CEMIP: variants seen among roughly 807,000 people sequenced by gnomAD.
CEMIP encodes cell migration-inducing and hyaluronan-binding protein.
CEMIP carries 105 observed loss-of-function variants against 156.9 expected under a neutral mutation model. The observed-to-expected ratio is 0.67, with a 90% confidence interval of 0.57 to 0.79. CEMIP has a LOEUF of 0.79. Among genes scored for constraint, CEMIP ranks in the 30% least tolerant of loss-of-function variants. The pLI is 0.00. For synonymous variants in CEMIP, 676 were observed against 668.4 expected (o/e 1.01, Z -0.17); for missense variants, 1,457 against 1,769.4 (o/e 0.82, Z 3.17).
At chr15:80,940,705 G>A (rs1325577805) in intron 25 of CEMIP, among the ~76,000 whole-genome samples, 2 of 152,210 alleles carry the variant, frequency 1.3e-5, no homozygotes, top group Non-Finnish European at 2.9e-5. Context: ...ACAGAGAGAA[G>A]ACCAAGGGGT....
chr15:80,926,256 A>G (rs971310809), intron 19 of CEMIP, among the ~76,000 whole-genome samples: 5 of 152,168 alleles, frequency 3.3e-5, no homozygotes, highest in Non-Finnish European at 5.9e-5. Flanking sequence ...AGTTCACTGG[A>G]CTCCAAGACC....
At chr15:80,818,792 T>C (rs1896848097) in intron 1 of CEMIP, among the ~76,000 whole-genome samples, 1 of 152,198 alleles carries the variant, frequency 6.6e-6, no homozygotes. Context: ...TGTAATTGAT[T>C]AATAATGTCT....
chr15:80,837,085 G>A (rs1301769800), intron 1 of CEMIP, among the ~76,000 whole-genome samples: 1 of 152,252 alleles, frequency 6.6e-6, no homozygotes, highest in Non-Finnish European at 1.5e-5. Flanking sequence ...TCTGCTGACT[G>A]TGGTCTAAGG....
At chr15:80,853,183 G>T (rs1310897208) in intron 1 of CEMIP, among the ~76,000 whole-genome samples, 1 of 152,196 alleles carries the variant, frequency 6.6e-6, no homozygotes, top group African/African-American at 2.4e-5. Flanking sequence ...GATCACTCAT[G>T]TATGGGCTGA....
chr15:80,940,547 G>A (rs1207739725), intron 25 of CEMIP, among the ~76,000 whole-genome samples: 1 of 152,126 alleles, frequency 6.6e-6, no homozygotes, highest in Non-Finnish European at 1.5e-5. Flanking sequence ...ACCACGCAGG[G>A]CATGGAATGC....
In CEMIP at chr15:80,880,798, G is replaced by C. The variant is rs147026015; in HGVS notation, c.381-102G>C. The C allele has an allele frequency of 9.1e-4, 827 of 907,600 alleles. 9 individuals are homozygous for C. The African/African-American group carries it at 0.012, about 13-fold the overall frequency. 56.2% of individuals were successfully genotyped at this position (907,600 alleles called of 1,614,324 possible). A position where few individuals can be genotyped will look rare whatever the true frequency, so the allele number is the denominator to read the frequency against. On this transcript the variant is annotated intron_variant, in intron 5 of 29. Transcript: ENST00000394685. ...TGACTGGCTCTATGGTGGCCGTGGT[G>C]GGGGGTCAGGGAGCTGAGCTGTGAC... is the stretch of plus-strand genomic sequence containing the variant.
At chr15:80,845,037 T>C (rs1230703397) in intron 1 of CEMIP, among the ~76,000 whole-genome samples, 1 of 152,190 alleles carries the variant, frequency 6.6e-6, no homozygotes, top group Non-Finnish European at 1.5e-5. Flanking sequence ...ATGGATAATA[T>C]ATATCCATAA....
intron 1 of CEMIP, among the ~76,000 whole-genome samples, chr15:80,815,930 G>A (rs1166808900): frequency 1.3e-5 from 2 of 152,100 alleles, no homozygotes; most frequent in Non-Finnish European, 1.5e-5. Context: ...TTCCTTGGCC[G>A]AGGAAAGGCA....
chr15:80,804,984 G>A (rs1208986290), intron 1 of CEMIP, among the ~76,000 whole-genome samples: 1 of 152,162 alleles, frequency 6.6e-6, no homozygotes, highest in African/African-American at 2.4e-5. Context: ...TCACATGGCT[G>A]CACGGAGAAC....
intron 24 of CEMIP, among the ~76,000 whole-genome samples, chr15:80,937,426 G>A (rs1217584561): frequency 6.6e-6 from 1 of 152,246 alleles, no homozygotes; most frequent in South Asian, 2.1e-4. Context: ...CCAAAGCGAT[G>A]AAATCGGCCC....
At chr15:80,847,734 T>A (rs1233114106) in intron 1 of CEMIP, among the ~76,000 whole-genome samples, 2 of 152,226 alleles carry the variant, frequency 1.3e-5, no homozygotes, top group African/African-American at 4.8e-5. Flanking sequence ...TGGGACCATC[T>A]TCTTTCATTC....
Position 80,937,877 on chromosome 15 carries a change from A to T in CEMIP, c.3305A>T (p.Lys1102Met), listed in dbSNP as rs1409022398. ...TCGGATGTTCACAATCGCCTGCTGA[A>T]GCAAACGTCCAAGACGGGCGTCTTC... ...ILSDVHNRLL[K>M]QTSKTGVFVR... Residue 1102 changes from lysine (K) to methionine (M), a missense_variant, in exon 25 of 30, where the codon AAG becomes ATG. Around this residue, in one of 5 missense-constraint regions of CEMIP, gnomAD observed 798 missense variants for 980.1 expected, o/e 0.81. Transcript: ENST00000394685. 1 of 1,614,116 alleles carries T rather than the reference A, an allele frequency of 6.2e-7. No individual in the cohort carries two copies. Among genetic ancestry groups the T allele is most frequent in the African/African-American group, 1.3e-5 (1 of 74,930 alleles).
At position 80,943,105 on chromosome 15, in the gene CEMIP, G is replaced by A. The variant is rs768138303; in HGVS notation, c.3857+3G>A. On this transcript the variant is annotated splice_donor_region_variant and intron_variant, in intron 28 of 29. Coordinates refer to ENST00000394685, the MANE Select transcript of CEMIP (RefSeq NM_001293298.2). Reference sequence around the variant, plus strand: ...TATGTGGCGACCATCCCTGACAAGTGAGTCTGTACCTCTGCTTCTGGAATT... The same window carrying A: ...TATGTGGCGACCATCCCTGACAAGTAAGTCTGTACCTCTGCTTCTGGAATT... The A allele has an allele frequency of 6.2e-7, 1 of 1,614,088 alleles. No homozygotes were observed.
At position 80,933,349 on chromosome 15, in the gene CEMIP, C is replaced by G. The variant is rs771137907; in HGVS notation, c.2898C>G (p.Ser966=). The G allele has an allele frequency of 1.2e-6, 2 of 1,614,162 alleles. No homozygotes were observed. Residue 966 remains serine, a synonymous_variant, in exon 23 of 30, where the codon TCC becomes TCG. Coordinates refer to ENST00000394685, the MANE Select transcript of CEMIP (RefSeq NM_001293298.2). ...TCCATGACGTCGACGGCTCCGTGTC[C>G]GAGTACCCTGGCTCCTACCTCACGA... The part of the protein sequence containing the change: ...SVFHDVDGSV[S]EYPGSYLTKN...
At chr15:80,948,220 G>A (rs1901648845) in intron 29 of CEMIP, 1 of 174,574 alleles carries the variant, frequency 5.7e-6, no homozygotes, top group Non-Finnish European at 1.2e-5. Flanking sequence ...GGATTCCCAT[G>A]CCCCTCGGAT....
chr15:80,932,046 G>A lies in CEMIP; in HGVS notation c.2793+7G>A. 1 of 1,612,484 alleles carries A rather than the reference G, an allele frequency of 6.2e-7. No individual in the cohort carries two copies. Among genetic ancestry groups the A allele is most frequent in the Non-Finnish European group, 8.5e-7 (1 of 1,180,012 alleles). ...TGCCTTTGAGGACGTTCCGGTGAGT[G>A]AGGCGCCAGGGCAGACTCCCGGCAA... is the stretch of plus-strand genomic sequence containing the variant. On this transcript the variant is annotated splice_region_variant and intron_variant, in intron 22 of 29. Transcript: ENST00000394685. This position sits in a 1 kb window ranked among gnomAD's most constrained non-coding sequence, Gnocchi z 4.5.
chr15:80,916,441 CA>C (rs2141911225), intron 14 of CEMIP, among the ~76,000 whole-genome samples: 1 of 152,264 alleles, frequency 6.6e-6, no homozygotes, highest in East Asian at 1.9e-4. Context: ...TCCAGAAGGA[CA>C]AAGAGAAAAA....
chr15:80,901,914 C>T (rs563694693), intron 12 of CEMIP, among the ~76,000 whole-genome samples: 3 of 152,246 alleles, frequency 2.0e-5, no homozygotes, highest in South Asian at 4.1e-4. Flanking sequence ...CAGTGAAGGC[C>T]CTTGTTCCCA....
chr15:80,847,583 G>A (rs991933409), intron 1 of CEMIP, among the ~76,000 whole-genome samples: 1 of 152,162 alleles, frequency 6.6e-6, no homozygotes, highest in Non-Finnish European at 1.5e-5. Flanking sequence ...AATATTTCAG[G>A]TATTTCATCT....
Sources: allele counts gnomAD v4.1 joint callset (sites outside exome capture counted in the v4.1 genomes callset), GRCh38; gene constraint gnomAD v4.1.1; regional missense constraint gnomAD v4.1.1; non-coding constraint Gnocchi (gnomAD v3.1); transcripts MANE v1.5; gene names NCBI Gene and HGNC (gene_info 2026-07-23, HGNC 2026-07-21).